ZFP69: variants seen among roughly 807,000 people sequenced by gnomAD.
ZFP69 encodes the protein ZFP69 zinc finger protein.
ZFP69 carries 35 observed loss-of-function variants against 48.9 expected under a neutral mutation model. That is an observed-to-expected ratio of 0.72 (90% CI 0.55 to 0.95). The LOEUF (loss-of-function observed/expected upper bound fraction) is 0.95. Among genes scored for constraint, ZFP69 ranks in the 40% least tolerant of loss-of-function variants. The pLI is 0.00. For missense variants in ZFP69, 557 were observed against 638.4 expected (o/e 0.87, Z 1.37); for synonymous variants, 193 against 216.8 (o/e 0.89, Z 0.96).
At position 40,495,713 on chromosome 1, in the gene ZFP69, C is replaced by G. The variant is rs138821500; in HGVS notation, c.1235C>G (p.Ala412Gly). The G allele has an allele frequency of 6.2e-7, 1 of 1,614,036 alleles. No homozygotes were observed. Among genetic ancestry groups the G allele is most frequent in the Non-Finnish European group, 8.5e-7 (1 of 1,180,028 alleles). ...ATTCATACCGGGGAGAAGCCCTATG[C>G]ATGCACTGCATGTTGTAAAACCTTT... ...IRIHTGEKPY[A>G]CTACCKTFSH... is the part of the protein sequence containing the mutation. Residue 412 changes from alanine (A) to glycine (G), a missense_variant, in exon 6 of 6, where the codon GCA becomes GGA. By Grantham distance (60) the Ala-to-Gly change is moderately conservative. Transcript: ENST00000372706.
At chr1:40,494,580 T>C in intron 5 of ZFP69, among the ~76,000 whole-genome samples, 1 of 147,304 alleles carries the variant, frequency 6.8e-6, no homozygotes, top group East Asian at 1.9e-4. Context: ...AATATTTATA[T>C]GATATTTATA....
chr1:40,486,437 C>T (rs1314811396), intron 3 of ZFP69, among the ~76,000 whole-genome samples: 1 of 122,590 alleles, frequency 8.2e-6, no homozygotes, highest in Non-Finnish European at 1.8e-5. Flanking sequence ...TTCCTTCCTT[C>T]CCTTCCTCCC....
chr1:40,491,318 A>C (rs1276973135), intron 5 of ZFP69, among the ~76,000 whole-genome samples: 1 of 152,230 alleles, frequency 6.6e-6, no homozygotes, highest in Non-Finnish European at 1.5e-5. Context: ...ATGCTACAGC[A>C]AACCTTTGTG....
At chr1:40,491,965 GA>G (rs1645574004) in intron 5 of ZFP69, among the ~76,000 whole-genome samples, 4 of 151,946 alleles carry the variant, frequency 2.6e-5, no homozygotes, top group Non-Finnish European at 4.4e-5. Flanking sequence ...AATTTATCAG[GA>G]TTTTCTTTAT....
intron 3 of ZFP69, among the ~76,000 whole-genome samples, chr1:40,488,494 T>C (rs1409097990): frequency 6.6e-6 from 1 of 152,204 alleles, no homozygotes; most frequent in Non-Finnish European, 1.5e-5. Flanking sequence ...TTTGTGACAA[T>C]AAGTGCGTGA....
At chr1:40,481,702 C>A in intron 2 of ZFP69, 61 bp from the exon 3 acceptor site, 1 of 1,386,336 alleles carries the variant, frequency 7.2e-7, no homozygotes, top group East Asian at 2.3e-5. Context: ...GGTCTGCAGG[C>A]AATTTCTTTA....
rs1645612746 is a variant in ZFP69, at chr1:40,494,928, G to A, written c.450G>A (p.Lys150=). 2 of 1,604,178 alleles carry A rather than the reference G, an allele frequency of 1.2e-6. No homozygotes were observed. The highest frequency in any genetic ancestry group is 1.3e-5 in the African/African-American group (1 of 74,116). The change falls in exon 6 of 6, where the codon AAG becomes AAA. Residue 150 remains lysine, a synonymous_variant. Transcript: ENST00000372706. ...EGPGDPSSDL[K]SKIETIESTA... is the part of the protein sequence containing the mutation. Reference sequence around the variant, plus strand: ...TTTTTTCATTTCTTTCAGACTTGAAGAGTAAAATAGAAACCATTGAGTCAA... The same window carrying A: ...TTTTTTCATTTCTTTCAGACTTGAAAAGTAAAATAGAAACCATTGAGTCAA...
At chr1:40,492,510 T>C (rs1231777386) in intron 5 of ZFP69, among the ~76,000 whole-genome samples, 1 of 151,174 alleles carries the variant, frequency 6.6e-6, no homozygotes, top group Non-Finnish European at 1.5e-5. Flanking sequence ...TCTTAAAAAC[T>C]GTATCTCATA....
At chr1:40,488,072 C>T (rs1570031340) in intron 3 of ZFP69, among the ~76,000 whole-genome samples, 1 of 151,776 alleles carries the variant, frequency 6.6e-6, no homozygotes, top group South Asian at 2.1e-4. Context: ...ATCTCTAAGC[C>T]GGGCACGGTG....
Sources: gnomAD v4.1 joint callset for allele counts (sites outside exome capture counted in the v4.1 genomes callset) on GRCh38, gnomAD v4.1.1 for gene constraint, MANE v1.5 for transcripts, NCBI Gene and HGNC (gene_info 2026-07-23, HGNC 2026-07-21) for gene names.